Variants in TEX11 observed in about 807,000 individuals in gnomAD.
TEX11 encodes the protein testis-expressed protein 11.
TEX11 carries 7 observed loss-of-function variants against 84.4 expected under a neutral mutation model. The ratio of observed to expected loss-of-function variants is 0.08; its 90% CI spans 0.05 to 0.16. The LOEUF (loss-of-function observed/expected upper bound fraction) is 0.16. TEX11 is among the 10% of genes least tolerant of loss of function. TEX11 has a pLI of 1.00. For missense variants in TEX11, 551 were observed against 660.5 expected (o/e 0.83, Z 1.82); for synonymous variants, 264 against 222.8 (o/e 1.18, Z -1.64).
rs746157926 is a variant in TEX11 at position 70,698,630 on chromosome X, A to G, written c.1005-15805T>C. 5.1e-4 allele frequency among the ~76,000 whole-genome samples: 56 copies of G among 110,825 alleles called. 1 individual carries two copies. The highest frequency in any genetic ancestry group is 3.6e-3 in the Admixed American group (37 of 10,333). ...TAGAGGAACTGCAGAAACTATTCCAATTCTCTGTTGTGCATGCAAGGAGTA... is the reference window on the plus strand; with the variant it reads ...TAGAGGAACTGCAGAAACTATTCCAGTTCTCTGTTGTGCATGCAAGGAGTA... On this transcript the variant is annotated intron_variant, in intron 13 of 29. Coordinates refer to ENST00000374333, the MANE Select transcript of TEX11 (RefSeq NM_031276.3).
intron 20 of TEX11, 96 bp downstream of exon 20, chrX:70,623,854 C>A: frequency 1.4e-6 from 1 of 740,303 alleles, no homozygotes; most frequent in Admixed American, 2.9e-5. Context: ...ATTGATCTTA[C>A]CCACTACACT....
intron 2 of TEX11, among the ~76,000 whole-genome samples, chrX:70,889,821 A>T (rs184911893): frequency 1.3e-4 from 15 of 111,959 alleles, no homozygotes; most frequent in African/African-American, 4.9e-4. Flanking sequence ...AAGAAACTAA[A>T]TCATATCACT....
intron 9 of TEX11, among the ~76,000 whole-genome samples, chrX:70,763,403 A>G (rs1304317060): frequency 9.0e-6 from 1 of 110,972 alleles, no homozygotes; most frequent in Non-Finnish European, 1.9e-5. Context: ...TGAGGATGCA[A>G]AAACATAAGA....
rs1372440853 is a variant in TEX11 at position 70,682,707 on chromosome X, G to T, written c.1123C>A (p.Leu375Ile). Residue 375 changes from leucine (L) to isoleucine (I), a missense_variant, in exon 14 of 30, where the codon CTT becomes ATT. Transcript: ENST00000374333. Reference sequence around the variant, plus strand: ...ATTTCTTCAATCTTCTCCTTGGCAAGAAGTTCTTCCTTCCTTTGTAAAAGC... The same window carrying T: ...ATTTCTTCAATCTTCTCCTTGGCAATAAGTTCTTCCTTCCTTTGTAAAAGC... ...DMLLQRKEEL[L>I]AKEKIEEIFL... The T allele has an allele frequency of 8.3e-7, 1 of 1,209,813 alleles. No individual in the cohort carries two copies. Among genetic ancestry groups the T allele is most frequent in the Non-Finnish European group, 1.1e-6 (1 of 894,828 alleles).
chrX:70,670,274 G>T, intron 16 of TEX11, 103 bp downstream of exon 16: 2 of 929,900 alleles, frequency 2.2e-6, no homozygotes, highest in Non-Finnish European at 2.9e-6. Flanking sequence ...GGAACTCTCA[G>T]ACATCCTAAA....
At chrX:70,835,177 A>G (rs1328985006) in intron 7 of TEX11, among the ~76,000 whole-genome samples, 1 of 111,996 alleles carries the variant, frequency 8.9e-6, no homozygotes, top group Non-Finnish European at 1.9e-5. Flanking sequence ...AGGTGGAGAA[A>G]ATCTTACTAT....
intron 4 of TEX11, among the ~76,000 whole-genome samples, chrX:70,862,763 A>AT (rs2091577354): frequency 9.2e-6 from 1 of 108,336 alleles, no homozygotes; most frequent in African/African-American, 3.4e-5. Context: ...AAAAAAAAAA[A>AT]AATTAGCTGG....
At chrX:70,865,137 G>A in intron 4 of TEX11, among the ~76,000 whole-genome samples, 1 of 111,419 alleles carries the variant, frequency 9.0e-6, no homozygotes, top group East Asian at 2.8e-4. Flanking sequence ...TCAGTGTGCT[G>A]TATTCAGGAG....
intron 9 of TEX11, 102 bp from the exon 10 acceptor site, chrX:70,744,321 T>C (rs1462471754): frequency 1.4e-5 from 4 of 280,790 alleles, no homozygotes; most frequent in Admixed American, 7.9e-5. Context: ...GAAGACATGG[T>C]ATAAGCATAC....
At chrX:70,525,769 T>C (rs1315295699), downstream of TEX11, among the ~76,000 whole-genome samples, 1 of 111,822 alleles carries the variant, frequency 8.9e-6, no homozygotes, top group African/African-American at 3.3e-5. Context: ...GCTGAGAGCA[T>C]AGAATAAGAG....
intron 18 of TEX11, among the ~76,000 whole-genome samples, chrX:70,628,621 T>C (rs1231613658): frequency 8.9e-6 from 1 of 112,449 alleles, no homozygotes; most frequent in Non-Finnish European, 1.9e-5. Context: ...TGTGAGGTCC[T>C]GAAGGAACAT....
chrX:70,785,142 G>T (rs1416592220), intron 9 of TEX11, among the ~76,000 whole-genome samples: 3 of 111,385 alleles, frequency 2.7e-5, no homozygotes, highest in African/African-American at 6.5e-5. Flanking sequence ...TAGACCAATG[G>T]AACAGAACAG....
At chrX:70,890,521 G>C (rs1430171688) in intron 2 of TEX11, among the ~76,000 whole-genome samples, 1 of 112,659 alleles carries the variant, frequency 8.9e-6, no homozygotes, top group Admixed American at 9.4e-5. Flanking sequence ...CTTTTCCAAC[G>C]GTCTTAGCAA....
chrX:70,576,297 A>G (rs2088672464), intron 25 of TEX11, among the ~76,000 whole-genome samples: 1 of 111,685 alleles, frequency 9.0e-6, no homozygotes, highest in South Asian at 3.7e-4. Flanking sequence ...CTTTCCCTCA[A>G]TTTATCTATT....
At position 70,800,372 on chromosome X, in the gene TEX11, A is replaced by G. The variant is rs1043790393; in HGVS notation, c.692+6333T>C. Among the ~76,000 whole-genome samples the G allele has an allele frequency of 6.3e-5, 7 of 111,566 alleles. No homozygotes were observed. In the East Asian group the frequency reaches 2.0e-3, roughly 31 times the overall value. ...GAGTTTACCTATGTAACAAACTTTC[A>G]CATGTACCCCAAACCTAAAATAAAA... On this transcript the variant is annotated intron_variant, in intron 9 of 29. Coordinates refer to ENST00000374333, the MANE Select transcript of TEX11 (RefSeq NM_031276.3).
intron 13 of TEX11, among the ~76,000 whole-genome samples, chrX:70,715,583 C>T (rs925800061): frequency 3.6e-5 from 4 of 112,100 alleles, no homozygotes; most frequent in Non-Finnish European, 7.5e-5. Context: ...TTGATAGCAT[C>T]GGCTACTGAG....
At chrX:70,841,262 G>C (rs1035904658) in intron 7 of TEX11, among the ~76,000 whole-genome samples, 2 of 110,718 alleles carry the variant, frequency 1.8e-5, no homozygotes, top group African/African-American at 6.6e-5. Context: ...TAAAAGAACA[G>C]AAATTATAAC....
intron 8 of TEX11, among the ~76,000 whole-genome samples, chrX:70,816,055 G>A (rs1046834179): frequency 9.0e-6 from 1 of 111,327 alleles, no homozygotes; most frequent in Non-Finnish European, 1.9e-5. Flanking sequence ...CACCCAGTTT[G>A]TAGTCTTTTA....
At chrX:70,635,753 C>A (rs1388524868) in intron 17 of TEX11, among the ~76,000 whole-genome samples, 3 of 110,710 alleles carry the variant, frequency 2.7e-5, no homozygotes, top group African/African-American at 9.9e-5. Flanking sequence ...AGGATCCAGG[C>A]CTACTCAGTG....
Sources: gnomAD v4.1 joint callset for allele counts (sites outside exome capture counted in the v4.1 genomes callset) on GRCh38, gnomAD v4.1.1 for gene constraint, MANE v1.5 for transcripts, NCBI Gene and HGNC (gene_info 2026-07-23, HGNC 2026-07-21) for gene names.